The following ZMAT4 variants were observed in gnomAD, a reference collection of about 807,000 sequenced individuals.
ZMAT4 encodes the protein zinc finger matrin-type protein 4.
In ZMAT4, 17 loss-of-function variants were observed where a neutral mutation model predicts 28.7. The observed-to-expected ratio is 0.59, with a 90% CI of 0.41 to 0.89. The LOEUF (loss-of-function observed/expected upper bound fraction) is 0.89, where lower values mean the gene tolerates loss of function less well. ZMAT4 is among the 40% of genes least tolerant of loss of function. ZMAT4 has a pLI of 0.00. For missense variants in ZMAT4, 240 were observed against 283.8 expected, an observed-to-expected ratio of 0.85 and a Z score of 1.11; for synonymous variants, 117 against 109.2, an observed-to-expected ratio of 1.07 and a Z score of -0.44.
intron 3 of ZMAT4, among the ~76,000 whole-genome samples, chr8:40,759,409 T>C (rs577953102): frequency 6.6e-6 from 1 of 152,184 alleles, no homozygotes; most frequent in East Asian, 1.9e-4. Flanking sequence ...CTTTGAGAGA[T>C]GACTAGCTCA....
intron 5 of ZMAT4, among the ~76,000 whole-genome samples, chr8:40,605,063 C>A (rs1196270973): frequency 1.3e-5 from 2 of 152,028 alleles, no homozygotes; most frequent in Non-Finnish European, 2.9e-5. Flanking sequence ...TTATTTGGAA[C>A]TTCTCTCTTA....
At chr8:40,881,590 GAAAGAAAGAAAAGAA>G (rs1818268709) in intron 1 of ZMAT4, among the ~76,000 whole-genome samples, 7 of 100,626 alleles carry the variant, frequency 7.0e-5, no homozygotes, top group Admixed American at 2.0e-4. Flanking sequence ...AAGAAAGAAA[GAAAGAAAGAAAAGAA>G]AAGAAAAGAG....
At chr8:40,820,204 G>A (rs893854665) in intron 2 of ZMAT4, among the ~76,000 whole-genome samples, 1 of 151,250 alleles carries the variant, frequency 6.6e-6, no homozygotes, top group Non-Finnish European at 1.5e-5. Context: ...GTGTATGTGT[G>A]TGTTTATGTG....
chr8:40,869,304 A>G (rs1817774050), intron 1 of ZMAT4, among the ~76,000 whole-genome samples: 1 of 151,864 alleles, frequency 6.6e-6, no homozygotes, highest in Non-Finnish European at 1.5e-5. Context: ...TGAGATCCCC[A>G]GTGAACATTT....
intron 5 of ZMAT4, among the ~76,000 whole-genome samples, chr8:40,585,353 C>G (rs541651284): frequency 6.6e-6 from 1 of 152,148 alleles, no homozygotes; most frequent in South Asian, 2.1e-4. Context: ...CAGTGACTCC[C>G]AAACGTCAGA....
intron 5 of ZMAT4, among the ~76,000 whole-genome samples, chr8:40,651,078 G>A (rs1393019411): frequency 6.6e-6 from 1 of 152,030 alleles, no homozygotes; most frequent in East Asian, 1.9e-4. Flanking sequence ...TCTGGACAGG[G>A]CAATTAGGCA....
At chr8:40,783,439 C>G (rs1279433169) in intron 2 of ZMAT4, among the ~76,000 whole-genome samples, 3 of 152,172 alleles carry the variant, frequency 2.0e-5, no homozygotes, top group African/African-American at 7.2e-5. Context: ...TACTACTAAC[C>G]TATGCTGCTA....
chr8:40,845,927 G>A (rs181461800), intron 1 of ZMAT4, among the ~76,000 whole-genome samples: 128 of 152,254 alleles, frequency 8.4e-4, no homozygotes, highest in South Asian at 4.1e-4. Flanking sequence ...CCAACTGACA[G>A]ATGGCCCTCC....
chr8:40,638,114 G>C (rs535962543), intron 5 of ZMAT4, among the ~76,000 whole-genome samples: 1 of 152,320 alleles, frequency 6.6e-6, no homozygotes, highest in South Asian at 2.1e-4. Flanking sequence ...ATTTCAGTTA[G>C]AGAGGAGGAA....
chr8:40,767,706 G>A lies in ZMAT4; in HGVS notation c.127C>T (p.Arg43Ter), dbSNP rs1253106973. Residue 43 changes from arginine to a stop codon, truncating the protein, a stop_gained, in exon 3 of 7, where the codon CGA becomes TGA. Transcript: ENST00000297737. LOFTEE classifies it high-confidence loss of function. ...CTGGGGTGAAGCATGTAATACAGTC[G>A]GACTTTGCTTGCATGTTTTCGACTC... ...YESRKHASKV[R>*]LYYMLHPRDG... 11 of 1,612,250 alleles carry A rather than the reference G, an allele frequency of 6.8e-6. No homozygotes were observed. Among genetic ancestry groups the A allele is most frequent in the South Asian group, 4.4e-5 (4 of 90,662 alleles).
chr8:40,551,227 A>G (rs1300487965), intron 6 of ZMAT4, among the ~76,000 whole-genome samples: 1 of 152,196 alleles, frequency 6.6e-6, no homozygotes, highest in Non-Finnish European at 1.5e-5. Flanking sequence ...ATTAATGTTT[A>G]CTGAATACAT....
At chr8:40,811,901 T>G (rs1815333685) in intron 2 of ZMAT4, among the ~76,000 whole-genome samples, 1 of 152,004 alleles carries the variant, frequency 6.6e-6, no homozygotes, top group Admixed American at 6.6e-5. Flanking sequence ...GAGGCTGAGC[T>G]GGGCAGATCA....
chr8:40,803,988 C>T (rs956348147), intron 2 of ZMAT4, among the ~76,000 whole-genome samples: 1 of 152,094 alleles, frequency 6.6e-6, no homozygotes, highest in Non-Finnish European at 1.5e-5. Context: ...TCTGAAAAGG[C>T]TGCATAATGT....
intron 3 of ZMAT4, among the ~76,000 whole-genome samples, chr8:40,745,809 G>A (rs12679157): frequency 0.12 from 18,792 of 152,014 alleles, 1,647 homozygotes; most frequent in East Asian, 0.38. Flanking sequence ...GTTTTATATT[G>A]CTCATCACTC....
intron 3 of ZMAT4, among the ~76,000 whole-genome samples, chr8:40,742,971 G>A (rs988675043): frequency 2.6e-5 from 4 of 152,020 alleles, no homozygotes; most frequent in African/African-American, 4.8e-5. Flanking sequence ...TAGCACTTTG[G>A]GAGGCTGAGG....
At chr8:40,669,389 A>G (rs1348981195) in intron 5 of ZMAT4, among the ~76,000 whole-genome samples, 1 of 152,160 alleles carries the variant, frequency 6.6e-6, no homozygotes, top group African/African-American at 2.4e-5. Flanking sequence ...GAAATAAAAA[A>G]GCAAAAAAGT....
intron 5 of ZMAT4, among the ~76,000 whole-genome samples, chr8:40,610,720 T>G (rs1212438649): frequency 6.6e-6 from 1 of 152,084 alleles, no homozygotes; most frequent in Non-Finnish European, 1.5e-5. Context: ...TTGTCATGTT[T>G]TCCTTGAGAC....
At chr8:40,837,818 G>A (rs567721467) in intron 1 of ZMAT4, among the ~76,000 whole-genome samples, 1 of 152,194 alleles carries the variant, frequency 6.6e-6, no homozygotes. Flanking sequence ...TGGTACACGG[G>A]CTGGGAGCAT....
chr8:40,751,660 G>A (rs1812456325), intron 3 of ZMAT4, among the ~76,000 whole-genome samples: 2 of 152,072 alleles, frequency 1.3e-5, no homozygotes, highest in African/African-American at 4.8e-5. Flanking sequence ...CGGGCCTGAT[G>A]TGAAATAAGG....
Sources: allele counts gnomAD v4.1 joint callset (sites outside exome capture counted in the v4.1 genomes callset), GRCh38; gene constraint gnomAD v4.1.1; transcripts MANE v1.5; gene names NCBI Gene and HGNC (gene_info 2026-07-23, HGNC 2026-07-21).